The following PTPN4 variants were observed in gnomAD, a reference collection of about 807,000 sequenced individuals.
PTPN4 encodes the protein tyrosine-protein phosphatase non-receptor type 4.
A neutral mutation model predicts 135.5 loss-of-function variants in PTPN4; 49 were observed. The ratio of observed to expected loss-of-function variants is 0.36; its 90% CI spans 0.29 to 0.46. PTPN4 has a LOEUF of 0.46. PTPN4 is among the 20% of genes least tolerant of loss of function. The probability of loss-of-function intolerance (pLI) is 1.00; values close to 1 mark genes in which losing one functional copy is unlikely to be tolerated. For synonymous variants in PTPN4, 333 were observed against 369.9 expected (o/e 0.90, Z 1.14); for missense variants, 860 against 1,101.0 (o/e 0.78, Z 3.10).
At chr2:119,969,896 T>G (rs1004004352) in intron 26 of PTPN4, among the ~76,000 whole-genome samples, 3 of 152,024 alleles carry the variant, frequency 2.0e-5, no homozygotes, top group African/African-American at 7.2e-5. Context: ...AGTATTTAAA[T>G]TTCTAGTTGT....
At chr2:119,900,669 A>G (rs1461789224) in intron 9 of PTPN4, 49 bp from the exon 10 acceptor site, 6 of 1,158,822 alleles carry the variant, frequency 5.2e-6, no homozygotes, top group Non-Finnish European at 7.3e-6. Flanking sequence ...TATCTCTAAC[A>G]AAGCCCATAA....
At chr2:119,766,434 ATGCGCATG>A (rs958841559) in intron 1 of PTPN4, among the ~76,000 whole-genome samples, 1 of 128,462 alleles carries the variant, frequency 7.8e-6, no homozygotes, top group Non-Finnish European at 1.6e-5. Context: ...TCACTGGTGT[ATGCGCATG>A]TGCGCGCGTG....
At chr2:119,861,261 C>G (rs1162785376) in intron 2 of PTPN4, among the ~76,000 whole-genome samples, 1 of 152,074 alleles carries the variant, frequency 6.6e-6, no homozygotes, top group African/African-American at 2.4e-5. Context: ...AACTCACTCG[C>G]TCCCTTGAGA....
At chr2:119,909,582 G>A (rs1031941870) in intron 10 of PTPN4, among the ~76,000 whole-genome samples, 2 of 152,182 alleles carry the variant, frequency 1.3e-5, no homozygotes, top group Admixed American at 1.3e-4. Context: ...AGATCAAGGA[G>A]TAATTTTGAC....
intron 9 of PTPN4, among the ~76,000 whole-genome samples, chr2:119,895,263 T>G (rs1030195402): frequency 6.6e-6 from 1 of 152,254 alleles, no homozygotes; most frequent in Non-Finnish European, 1.5e-5. Context: ...GTTGTTCTTA[T>G]GTACATCATA....
intron 1 of PTPN4, among the ~76,000 whole-genome samples, chr2:119,780,453 A>G (rs1023169881): frequency 1.3e-5 from 2 of 152,188 alleles, no homozygotes; most frequent in South Asian, 2.1e-4. Context: ...CCATGATTGG[A>G]TCAAGAGCTA....
chr2:119,810,517 C>G (rs553092253), intron 2 of PTPN4, among the ~76,000 whole-genome samples: 3 of 152,288 alleles, frequency 2.0e-5, no homozygotes, highest in African/African-American at 4.8e-5. Context: ...TGTTACTGCT[C>G]TGTAGTACCC....
intron 1 of PTPN4, among the ~76,000 whole-genome samples, chr2:119,799,203 C>G (rs1479165165): frequency 6.6e-6 from 1 of 152,142 alleles, no homozygotes; most frequent in Non-Finnish European, 1.5e-5. Context: ...TAGCAAAGTT[C>G]AAACTACTGA....
At chr2:119,854,008 A>G (rs924326657) in intron 2 of PTPN4, among the ~76,000 whole-genome samples, 6 of 151,876 alleles carry the variant, frequency 4.0e-5, no homozygotes, top group African/African-American at 1.2e-4. Context: ...GAAGAGGAAA[A>G]CCCTGAGTGC....
intron 13 of PTPN4, among the ~76,000 whole-genome samples, chr2:119,927,887 G>A (rs1678848648): frequency 6.6e-6 from 1 of 152,040 alleles, no homozygotes; most frequent in East Asian, 1.9e-4. Flanking sequence ...GGAGTTTTGT[G>A]TTCTTGGTTT....
chr2:119,847,096 C>T (rs1310963644), intron 2 of PTPN4, among the ~76,000 whole-genome samples: 1 of 149,884 alleles, frequency 6.7e-6, no homozygotes, highest in East Asian at 1.9e-4. Flanking sequence ...TATAGATTCA[C>T]GTTACCATCT....
At chr2:119,785,938 G>C (rs1400093656) in intron 1 of PTPN4, among the ~76,000 whole-genome samples, 1 of 152,106 alleles carries the variant, frequency 6.6e-6, no homozygotes, top group Admixed American at 6.5e-5. Flanking sequence ...TCATCTTCAC[G>C]GTATTTAATC....
At chr2:119,967,703 G>A (rs1253768125) in intron 25 of PTPN4, 134 bp from the exon 26 acceptor site, 1 of 699,546 alleles carries the variant, frequency 1.4e-6, no homozygotes, top group African/African-American at 1.8e-5. Flanking sequence ...TCTGTATTTG[G>A]CTTACTACTT....
chr2:119,884,082 T>C (rs565893171), intron 8 of PTPN4, among the ~76,000 whole-genome samples: 1 of 152,334 alleles, frequency 6.6e-6, no homozygotes, highest in African/African-American at 2.4e-5. Context: ...GTATTTTTAA[T>C]AGAGATGGGG....
At chr2:119,773,465 C>T (rs557697626) in intron 1 of PTPN4, among the ~76,000 whole-genome samples, 1 of 152,092 alleles carries the variant, frequency 6.6e-6, no homozygotes, top group East Asian at 1.9e-4. Flanking sequence ...TGGCTGGGCG[C>T]GGTGGCTCAT....
chr2:119,935,101 A>G, intron 15 of PTPN4, 143 bp downstream of exon 15: 1 of 984,970 alleles, frequency 1.0e-6, no homozygotes. Flanking sequence ...AATTATGCTC[A>G]TTTGTTCCTG....
intron 1 of PTPN4, among the ~76,000 whole-genome samples, chr2:119,801,900 G>GTTTTTT (rs768983862): frequency 4.0e-5 from 4 of 98,794 alleles, no homozygotes; most frequent in Admixed American, 1.2e-4. Context: ...CTTTCTTTCC[G>GTTTTTT]TTTTTTTTTT....
At chr2:119,824,722 A>G (rs1050303423) in intron 2 of PTPN4, among the ~76,000 whole-genome samples, 3 of 152,058 alleles carry the variant, frequency 2.0e-5, no homozygotes, top group Non-Finnish European at 4.4e-5. Context: ...GAGTCTCGCT[A>G]TGTCTGCCAG....
intron 1 of PTPN4, among the ~76,000 whole-genome samples, chr2:119,776,256 A>T (rs1263069419): frequency 6.6e-6 from 1 of 152,152 alleles, no homozygotes; most frequent in African/African-American, 2.4e-5. Flanking sequence ...GCTCACTGCA[A>T]GCTACGCCTC....
Sources: allele counts gnomAD v4.1 joint callset (sites outside exome capture counted in the v4.1 genomes callset), GRCh38; gene constraint gnomAD v4.1.1; transcripts MANE v1.5; gene names NCBI Gene and HGNC (gene_info 2026-07-23, HGNC 2026-07-21).